The following RNF122 variants were observed in gnomAD, a reference collection of about 807,000 sequenced individuals.
The protein encoded by RNF122 is ring finger protein 122.
RNF122 carries 17 observed loss-of-function variants against 24.2 expected under a neutral mutation model. The ratio of observed to expected loss-of-function variants is 0.70; its 90% CI spans 0.48 to 1.06. The LOEUF (loss-of-function observed/expected upper bound fraction) is 1.06. Among genes scored for constraint, RNF122 ranks in the 50% least tolerant of loss-of-function variants. The pLI is 0.00. For synonymous variants in RNF122, 65 were observed against 71.8 expected (o/e 0.91, Z 0.48); for missense variants, 168 against 198.1 (o/e 0.85, Z 0.91).
At chr8:33,564,565 C>CCT in intron 1 of RNF122, among the ~76,000 whole-genome samples, 1 of 111,250 alleles carries the variant, frequency 9.0e-6, no homozygotes, top group Non-Finnish European at 1.8e-5. Flanking sequence ...GGAGTGAGAC[C>CCT]CTCTCTCAAA....
intron 1 of RNF122, among the ~76,000 whole-genome samples, chr8:33,559,997 A>G (rs576896735): frequency 6.6e-6 from 1 of 152,046 alleles, no homozygotes; most frequent in East Asian, 1.9e-4. Context: ...GCACGCCACC[A>G]TGCCCGGCTA....
chr8:33,560,822 C>T lies in RNF122; in HGVS notation c.26-2051G>A, dbSNP rs201140848. 5.3e-5 allele frequency among the ~76,000 whole-genome samples: 8 copies of T among 152,034 alleles called. No individual in the cohort carries two copies. The East Asian group carries it at 1.2e-3, about 22-fold the overall frequency. On this transcript the variant is annotated intron_variant, in intron 1 of 5. Coordinates refer to ENST00000256257, the MANE Select transcript of RNF122 (RefSeq NM_024787.3). ...GCACACATCTGTAATCCCAGCTACTCGGGAGGTTGAGGTAGGAGAATCACT... is the reference window on the plus strand; with the variant it reads ...GCACACATCTGTAATCCCAGCTACTTGGGAGGTTGAGGTAGGAGAATCACT...
At chr8:33,553,753 C>T (rs1022515435) in intron 2 of RNF122, among the ~76,000 whole-genome samples, 1 of 152,152 alleles carries the variant, frequency 6.6e-6, no homozygotes, top group African/African-American at 2.4e-5. Flanking sequence ...CACAGCCAGG[C>T]CCGTAGCACA....
chr8:33,564,316 G>A (rs975379914), intron 1 of RNF122, among the ~76,000 whole-genome samples: 5 of 152,154 alleles, frequency 3.3e-5, no homozygotes, highest in Non-Finnish European at 5.9e-5. Context: ...GAGAGTCCGT[G>A]GTGGGAGGAC....
At chr8:33,551,445 A>T in intron 2 of RNF122, 56 bp from the exon 3 acceptor site, 1 of 1,591,428 alleles carries the variant, frequency 6.3e-7, no homozygotes, top group Non-Finnish European at 8.6e-7. Context: ...AATTCAAAGC[A>T]GGAGAGGCTG....
chr8:33,557,225 C>G (rs1057347402), intron 2 of RNF122, among the ~76,000 whole-genome samples: 1 of 152,202 alleles, frequency 6.6e-6, no homozygotes, highest in Non-Finnish European at 1.5e-5. Flanking sequence ...ATGTACAGAA[C>G]AGTCCCATAC....
chr8:33,548,008 GC>G lies in RNF122; in HGVS notation c.*744del, dbSNP rs1409713774. On this transcript the variant is annotated 3_prime_UTR_variant, in exon 6 of 6. Coordinates refer to ENST00000256257, the MANE Select transcript of RNF122 (RefSeq NM_024787.3). ...AAAAAAAAAAAAAAAAAAAAAAAAG[GC>G]CCCTGGGAATCAATTTAAGTATAGA... is the stretch of plus-strand genomic sequence containing the variant. 1.7e-3 allele frequency: 192 copies of G among 113,488 alleles called. 3 individuals are homozygous for G. The highest frequency in any genetic ancestry group is 6.7e-3 in the African/African-American group (185 of 27,572). The allele number at this position is 113,488 out of a possible 1,614,324, so 7.0% of individuals were successfully genotyped here.
chr8:33,556,707 C>A (rs965251858), intron 2 of RNF122, among the ~76,000 whole-genome samples: 3 of 152,086 alleles, frequency 2.0e-5, no homozygotes, highest in Admixed American at 6.6e-5. Context: ...AGGAGAGATA[C>A]CAGAAATCTA....
chr8:33,565,710 G>A (rs1810612240), intron 1 of RNF122, among the ~76,000 whole-genome samples: 1 of 152,192 alleles, frequency 6.6e-6, no homozygotes, highest in Non-Finnish European at 1.5e-5. Flanking sequence ...AGGGGTTGTC[G>A]CGTCTGGAGG....
intron 5 of RNF122, 124 bp downstream of exon 5, chr8:33,549,286 T>TCA (rs1810335790): frequency 1.3e-6 from 1 of 773,652 alleles, no homozygotes; most frequent in South Asian, 1.5e-5. Flanking sequence ...TGCTCGGTGT[T>TCA]CACGTAGGAC....
At chr8:33,564,934 G>A (rs971988874) in intron 1 of RNF122, among the ~76,000 whole-genome samples, 4 of 152,104 alleles carry the variant, frequency 2.6e-5, no homozygotes, top group African/African-American at 7.2e-5. Flanking sequence ...TGATATGAAA[G>A]GGCGCTGCCC....
chr8:33,550,454 TC>T (rs1479806869), intron 4 of RNF122, among the ~76,000 whole-genome samples: 1 of 152,088 alleles, frequency 6.6e-6, no homozygotes, highest in African/African-American at 2.4e-5. Context: ...GTGTCTGTGG[TC>T]ATGAACAGGA....
chr8:33,549,589 AC>A, intron 4 of RNF122, 97 bp from the exon 5 acceptor site: 1 of 877,108 alleles, frequency 1.1e-6, no homozygotes, highest in Non-Finnish European at 1.9e-6. Context: ...AGTCTGTTCT[AC>A]CAGGCAGAGA....
chr8:33,566,894 C>A lies in RNF122; in HGVS notation c.-171G>T, dbSNP rs531388417. On this transcript the variant is annotated 5_prime_UTR_variant, in exon 1 of 6. Coordinates refer to ENST00000256257, the MANE Select transcript of RNF122 (RefSeq NM_024787.3). ...TCCGGAGTGGGGGGCTTTGACGAGGCTGGTGTTCAGCCCAACAAAGAGGGA... is the reference window on the plus strand; with the variant it reads ...TCCGGAGTGGGGGGCTTTGACGAGGATGGTGTTCAGCCCAACAAAGAGGGA... 4.2e-4 allele frequency: 297 copies of A among 706,358 alleles called. 1 individual carries two copies. The African/African-American group carries it at 4.6e-3, about 11-fold the overall frequency. 43.8% of individuals were successfully genotyped at this position (706,358 alleles called of 1,614,324 possible).
chr8:33,562,174 C>T (rs1049852827), intron 1 of RNF122, among the ~76,000 whole-genome samples: 2 of 152,086 alleles, frequency 1.3e-5, no homozygotes, highest in African/African-American at 4.8e-5. Flanking sequence ...TGTCTTACAT[C>T]GTTCCTAGCA....
intron 1 of RNF122, among the ~76,000 whole-genome samples, chr8:33,560,576 CATGT>C (rs1810526245): frequency 6.6e-6 from 1 of 151,354 alleles, no homozygotes; most frequent in Non-Finnish European, 1.5e-5. Context: ...TGAGGGGGGT[CATGT>C]CTCTCAGAGA....
chr8:33,560,550 T>G (rs1333128612), intron 1 of RNF122, among the ~76,000 whole-genome samples: 1 of 151,068 alleles, frequency 6.6e-6, no homozygotes, highest in Admixed American at 6.6e-5. Flanking sequence ...GGTTCTTTTT[T>G]TCCTTTTTTT....
chr8:33,560,670 C>CT (rs994228692), intron 1 of RNF122, among the ~76,000 whole-genome samples: 5 of 151,958 alleles, frequency 3.3e-5, no homozygotes, highest in Non-Finnish European at 5.9e-5. Flanking sequence ...GGCATGGTGT[C>CT]TCACGCCTGT....
intron 2 of RNF122, among the ~76,000 whole-genome samples, chr8:33,555,800 A>T (rs750138932): frequency 6.6e-6 from 1 of 152,188 alleles, no homozygotes; most frequent in East Asian, 1.9e-4. Flanking sequence ...CAATACCTAT[A>T]CTAAGGATTA....
Sources: gnomAD v4.1 joint callset for allele counts (sites outside exome capture counted in the v4.1 genomes callset) on GRCh38, gnomAD v4.1.1 for gene constraint, MANE v1.5 for transcripts, NCBI Gene and HGNC (gene_info 2026-07-23, HGNC 2026-07-21) for gene names.